Variants in CTNNA3 observed in about 807,000 individuals in gnomAD.
The protein encoded by CTNNA3 is catenin alpha 3.
In CTNNA3, 76 loss-of-function variants were observed where a neutral mutation model predicts 95.7. The ratio of observed to expected loss-of-function variants is 0.79; its 90% CI spans 0.66 to 0.96. The LOEUF (loss-of-function observed/expected upper bound fraction) is 0.96, where lower values mean the gene tolerates loss of function less well. Among genes scored for constraint, CTNNA3 ranks in the 40% least tolerant of loss-of-function variants. The probability of loss-of-function intolerance (pLI) is 0.00; values close to 1 mark genes in which losing one functional copy is unlikely to be tolerated. For missense variants in CTNNA3, 1,191 were observed against 1,089.8 expected, an observed-to-expected ratio of 1.09 and a Z score of -1.31; for synonymous variants, 431 against 374.4, an observed-to-expected ratio of 1.15 and a Z score of -1.74.
intron 15 of CTNNA3, among the ~76,000 whole-genome samples, chr10:66,042,087 T>C (rs967553432): frequency 2.4e-4 from 37 of 152,142 alleles, no homozygotes; most frequent in African/African-American, 8.9e-4. Flanking sequence ...ATTTTGTATC[T>C]CTGAGTCTTT....
intron 12 of CTNNA3, among the ~76,000 whole-genome samples, chr10:66,343,853 G>A (rs931799937): frequency 6.6e-6 from 1 of 151,746 alleles, no homozygotes; most frequent in Non-Finnish European, 1.5e-5. Flanking sequence ...ATTATTATTT[G>A]TCAATTAAAT....
chr10:66,820,904 C>A (rs1269455275), intron 7 of CTNNA3, among the ~76,000 whole-genome samples: 2 of 152,022 alleles, frequency 1.3e-5, no homozygotes, highest in Non-Finnish European at 2.9e-5. Flanking sequence ...GACAAAAGCT[C>A]CCTCTGGTAT....
Position 66,169,070 on chromosome 10 carries a change from T to C in CTNNA3, c.1885-65821A>G, listed in dbSNP as rs186209003. 1.4e-4 allele frequency among the ~76,000 whole-genome samples: 22 copies of C among 152,310 alleles called. No homozygotes were observed. In the East Asian group the frequency reaches 3.1e-3, roughly 21 times the overall value. Reference sequence around the variant, plus strand: ...TAATTGTCTATTTTTGTTGTTGTTGTTGTTACATAAATAAGTTCTTTAGTG... The same window carrying C: ...TAATTGTCTATTTTTGTTGTTGTTGCTGTTACATAAATAAGTTCTTTAGTG... On this transcript the variant is annotated intron_variant, in intron 13 of 17. Coordinates refer to ENST00000433211, the MANE Select transcript of CTNNA3 (RefSeq NM_013266.4).
At chr10:67,311,544 A>T (rs1416757263) in intron 5 of CTNNA3, among the ~76,000 whole-genome samples, 1 of 152,234 alleles carries the variant, frequency 6.6e-6, no homozygotes, top group Admixed American at 6.5e-5. Context: ...TATTTCAATT[A>T]TGGTTGTGGT....
intron 11 of CTNNA3, among the ~76,000 whole-genome samples, chr10:66,424,983 T>A (rs2093226540): frequency 6.6e-6 from 1 of 152,094 alleles, no homozygotes; most frequent in Non-Finnish European, 1.5e-5. Flanking sequence ...CATTTTTCCA[T>A]CATGAGTTTG....
intron 13 of CTNNA3, among the ~76,000 whole-genome samples, chr10:66,107,468 A>G (rs1589422680): frequency 1.3e-5 from 2 of 152,296 alleles, no homozygotes; most frequent in South Asian, 4.1e-4. Context: ...ATAGATTATC[A>G]TTACTGTTGC....
intron 13 of CTNNA3, among the ~76,000 whole-genome samples, chr10:66,211,443 C>T (rs1022972193): frequency 6.6e-6 from 1 of 152,122 alleles, no homozygotes; most frequent in East Asian, 1.9e-4. Context: ...AAGCAGTTCC[C>T]TAACCCTGAA....
At chr10:66,983,528 G>T (rs1165176909) in intron 7 of CTNNA3, among the ~76,000 whole-genome samples, 1 of 150,730 alleles carries the variant, frequency 6.6e-6, no homozygotes, top group Non-Finnish European at 1.5e-5. Context: ...GGTAGCCACT[G>T]CCATTTTCTT....
chr10:66,247,201 C>T (rs2090367639), intron 13 of CTNNA3, among the ~76,000 whole-genome samples: 1 of 152,062 alleles, frequency 6.6e-6, no homozygotes, highest in South Asian at 2.1e-4. Context: ...TAAGAGTTAT[C>T]GAGCTAAAAG....
At chr10:66,513,545 G>A (rs567046157) in intron 11 of CTNNA3, among the ~76,000 whole-genome samples, 153 of 152,310 alleles carry the variant, frequency 1.0e-3, no homozygotes, top group South Asian at 5.6e-3. Flanking sequence ...ATCCTGGGTG[G>A]TACACAAAGG....
At chr10:66,719,707 G>A (rs540577421) in intron 9 of CTNNA3, among the ~76,000 whole-genome samples, 1 of 152,260 alleles carries the variant, frequency 6.6e-6, no homozygotes, top group East Asian at 1.9e-4. Flanking sequence ...ACCATTGTGA[G>A]GAAGTCAGAG....
At chr10:66,677,063 G>T (rs1373400434) in intron 9 of CTNNA3, among the ~76,000 whole-genome samples, 3 of 152,100 alleles carry the variant, frequency 2.0e-5, no homozygotes, top group African/African-American at 7.2e-5. Flanking sequence ...AGGAAACTAA[G>T]TTGGGTTCTA....
chr10:66,595,544 C>T (rs994566949), intron 10 of CTNNA3, among the ~76,000 whole-genome samples: 1 of 151,998 alleles, frequency 6.6e-6, no homozygotes, highest in Non-Finnish European at 1.5e-5. Context: ...ACCATGTTGG[C>T]CAGGCTGGTC....
chr10:65,918,322 C>T lies in CTNNA3; in HGVS notation c.*2008G>A, dbSNP rs1212835181. On this transcript the variant is annotated 3_prime_UTR_variant, in exon 18 of 18. Transcript: ENST00000433211. ...TGGCTTTAGGAGCTAAGATACACAA[C>T]TGCTAGTTTGGTGATTTCAAAAAAA... The T allele has an allele frequency of 2.0e-5, 3 of 152,078 alleles. No individual in the cohort carries two copies. The highest frequency in any genetic ancestry group is 1.3e-4 in the Admixed American group (2 of 15,260). The allele number at this position is 152,078 out of a possible 1,614,324, so 9.4% of individuals were successfully genotyped here.
At chr10:67,435,046 T>C (rs1480438514) in intron 5 of CTNNA3, among the ~76,000 whole-genome samples, 2 of 152,076 alleles carry the variant, frequency 1.3e-5, no homozygotes, top group African/African-American at 4.8e-5. Flanking sequence ...CTCCATGTTC[T>C]ACAATTTACA....
At chr10:67,727,454 CAT>C (rs1333363521) in intron 1 of CTNNA3, among the ~76,000 whole-genome samples, 1 of 130,820 alleles carries the variant, frequency 7.6e-6, no homozygotes, top group African/African-American at 2.8e-5. Flanking sequence ...TATTATATAT[CAT>C]ATATATCATA....
At chr10:66,301,833 C>A (rs2132230309) in intron 12 of CTNNA3, among the ~76,000 whole-genome samples, 1 of 152,000 alleles carries the variant, frequency 6.6e-6, no homozygotes, top group South Asian at 2.1e-4. Context: ...ACTCTCACCA[C>A]TAGTGAATGT....
intron 7 of CTNNA3, among the ~76,000 whole-genome samples, chr10:66,798,370 A>T (rs1291268554): frequency 2.1e-5 from 3 of 142,382 alleles, no homozygotes; most frequent in East Asian, 3.2e-4. Context: ...AGGATAGCTT[A>T]AAAAAAGTTA....
At chr10:66,729,154 C>T (rs1306635021) in intron 9 of CTNNA3, among the ~76,000 whole-genome samples, 1 of 152,142 alleles carries the variant, frequency 6.6e-6, no homozygotes, top group East Asian at 1.9e-4. Flanking sequence ...CATGAACAGA[C>T]ATTTGTCAAA....
Sources: allele counts gnomAD v4.1 joint callset (sites outside exome capture counted in the v4.1 genomes callset), GRCh38; gene constraint gnomAD v4.1.1; transcripts MANE v1.5; gene names NCBI Gene and HGNC (gene_info 2026-07-23, HGNC 2026-07-21).